Variants in SLC66A2 observed in about 807,000 individuals in gnomAD.
SLC66A2 encodes solute carrier family 66 member 2.
In SLC66A2, 23 loss-of-function variants were observed where a neutral mutation model predicts 25.5. The observed-to-expected ratio is 0.90, with a 90% CI of 0.65 to 1.28. The LOEUF is 1.28. Ranked by LOEUF, SLC66A2 falls within the 50% of genes most tolerant of loss-of-function variation. SLC66A2 has a pLI of 0.00. For synonymous variants in SLC66A2, 193 were observed against 166.5 expected, an observed-to-expected ratio of 1.16 and a Z score of -1.23; for missense variants, 396 against 373.1, an observed-to-expected ratio of 1.06 and a Z score of -0.51.
rs950014530 is a variant in SLC66A2 at position 79,927,782 on chromosome 18, C to A, written c.391+6187G>T. On this transcript the variant is annotated intron_variant, in intron 4 of 5. Transcript: ENST00000397778. The surrounding 1 kb of genome is among the most constrained non-coding windows in gnomAD (Gnocchi z 6.2). ...CCCGGGAAACAAACACCCTCCCACT[C>A]GGCAAGGACAAATCAAGCAACTGCC... Among the ~76,000 whole-genome samples the A allele has an allele frequency of 2.0e-5, 3 of 152,188 alleles. No individual in the cohort carries two copies. Among genetic ancestry groups the A allele is most frequent in the African/African-American group, 7.2e-5 (3 of 41,450 alleles).
intron 5 of SLC66A2, among the ~76,000 whole-genome samples, chr18:79,907,330 T>G (rs1305731361): frequency 3.2e-5 from 4 of 125,120 alleles, no homozygotes; most frequent in Non-Finnish European, 6.9e-5. Flanking sequence ...TATCTCTTTG[T>G]ATAGTTTTTT....
rs1568302051 is a variant in SLC66A2, at chr18:79,916,152, C to CGCTCCCATACCCACGGT, written c.608+3031_608+3032insACCGTGGGTATGGGAGC. ...ACCCACGGTGCTCCCGTACCCGCGG[C>CGCTCCCATACCCACGGT]GCTCTCGTACCCGCAGTGCTCCCGT... On this transcript the variant is annotated intron_variant, in intron 5 of 5. Coordinates refer to ENST00000397778, the MANE Select transcript of SLC66A2 (RefSeq NM_025078.5). 5.3e-5 allele frequency among the ~76,000 whole-genome samples: 2 copies of CGCTCCCATACCCACGGT among 37,808 alleles called. 1 individual carries two copies. The highest frequency in any genetic ancestry group is 1.2e-4 in the Non-Finnish European group (2 of 16,978). The allele number at this position is 37,808 out of a possible 152,430, so 24.8% of individuals were successfully genotyped here. A position where few individuals can be genotyped will look rare whatever the true frequency, so the allele number is the denominator to read the frequency against.
Position 79,941,624 on chromosome 18 carries a change from T to G in SLC66A2, c.337+1705A>C, listed in dbSNP as rs1449379171. ...ATCCAACGGTCCTCTGAGACAAGCC[T>G]GAACCTGCACCTGCTGGTAAAATGA... On this transcript the variant is annotated intron_variant, in intron 3 of 5. Transcript: ENST00000397778. The surrounding 1 kb of genome is among the most constrained non-coding windows in gnomAD (Gnocchi z 4.1). 6.6e-6 allele frequency: 1 copy of G among 152,218 alleles called. No homozygotes were observed. The highest frequency in any genetic ancestry group is 2.4e-5 in the African/African-American group (1 of 41,444). 9.4% of individuals were successfully genotyped at this position (152,218 alleles called of 1,614,324 possible).
chr18:79,919,422 G>T (rs1984715754), intron 4 of SLC66A2, 22 bp from the exon 5 acceptor site: 1 of 1,603,894 alleles, frequency 6.2e-7, no homozygotes, highest in Non-Finnish European at 8.5e-7. Flanking sequence ...GGGAGAAGCA[G>T]CCTCAGCACA....
chr18:79,903,779 C>T lies in SLC66A2; in HGVS notation c.*197G>A, dbSNP rs767747256. The stretch of plus-strand genomic sequence containing the variant: ...GGGCCAGATCAACCCTGGCTGTCCC[C>T]GCTGAGCACAAACAGCGTCCCAGCC... On this transcript the variant is annotated 3_prime_UTR_variant, in exon 6 of 6. Transcript: ENST00000397778. 2.9e-5 allele frequency: 16 copies of T among 559,548 alleles called. No individual in the cohort carries two copies. Among genetic ancestry groups the T allele is most frequent in the South Asian group, 4.9e-5 (2 of 40,606 alleles). The allele number at this position is 559,548 out of a possible 1,614,324, so 34.7% of individuals were successfully genotyped here.
chr18:79,905,179 G>A (rs947594646), intron 5 of SLC66A2, among the ~76,000 whole-genome samples: 7 of 152,196 alleles, frequency 4.6e-5, no homozygotes, highest in Non-Finnish European at 2.9e-5. Flanking sequence ...ACATAAATCC[G>A]GCTTTATCAT....
At chr18:79,916,500 T>G (rs2123282035) in intron 5 of SLC66A2, among the ~76,000 whole-genome samples, 1 of 152,336 alleles carries the variant, frequency 6.6e-6, no homozygotes, top group African/African-American at 2.4e-5. Flanking sequence ...GACAGAAGAA[T>G]CTCAACAGAC....
Position 79,919,182 on chromosome 18 carries a change from A to G in SLC66A2, c.608+2T>C. 6.2e-7 allele frequency: 1 copy of G among 1,612,696 alleles called. No homozygotes were observed. Among genetic ancestry groups the G allele is most frequent in the Non-Finnish European group, 8.5e-7 (1 of 1,179,722 alleles). On this transcript the variant is annotated splice_donor_variant, in intron 5 of 5. Transcript: ENST00000397778. LOFTEE classifies it high-confidence loss of function. ...GCTTCCGTGGCGGCATCCCCGGCCT[A>G]CCTCATGCCCTCCGTGGACTGGTGG...
rs1987665828 is a variant in SLC66A2 at position 79,941,524 on chromosome 18, G to A, written c.337+1805C>T. ...GGACTCACATTTTTAACTCATCCTG[G>A]GTAACCAGAAGAGAAGTACTCCTTT... On this transcript the variant is annotated intron_variant, in intron 3 of 5. Transcript: ENST00000397778. This position sits in a 1 kb window ranked among gnomAD's most constrained non-coding sequence, Gnocchi z 4.1. The A allele has an allele frequency of 6.6e-6, 1 of 152,178 alleles. No homozygotes were observed. Among genetic ancestry groups the A allele is most frequent in the Non-Finnish European group, 1.5e-5 (1 of 68,046 alleles). The allele number at this position is 152,178 out of a possible 1,614,324, so 9.4% of individuals were successfully genotyped here. A position where few individuals can be genotyped will look rare whatever the true frequency, so the allele number is the denominator to read the frequency against.
At chr18:79,905,454 G>T (rs1030801661) in intron 5 of SLC66A2, among the ~76,000 whole-genome samples, 3 of 120 alleles carry the variant, frequency 0.025, no homozygotes, top group Non-Finnish European at 0.054. Context: ...CCCAGGCTTC[G>T]GAATTCCCCC....
In SLC66A2 at chr18:79,934,028, C is replaced by A. The variant is rs142283988; in HGVS notation, c.338-6G>T. The A allele has an allele frequency of 6.2e-7, 1 of 1,610,504 alleles. No individual in the cohort carries two copies. The highest frequency in any genetic ancestry group is 8.5e-7 in the Non-Finnish European group (1 of 1,178,956). On this transcript the variant is annotated splice_region_variant and splice_polypyrimidine_tract_variant and intron_variant, in intron 3 of 5. Transcript: ENST00000397778. ...TTCATCCTTGCTATCTGCAGCTACA[C>A]GTTAAAAAGGGAGACAGAAACAGAA...
chr18:79,951,070 G>A lies in SLC66A2; in HGVS notation c.-99-45C>T, dbSNP rs2051106330. 7.4e-6 allele frequency: 4 copies of A among 537,498 alleles called. No individual in the cohort carries two copies. In the South Asian group the frequency reaches 2.4e-4, roughly 33 times the overall value. 33.3% of individuals were successfully genotyped at this position (537,498 alleles called of 1,614,324 possible). A position where few individuals can be genotyped will look rare whatever the true frequency, so the allele number is the denominator to read the frequency against. On this transcript the variant is annotated intron_variant, in intron 1 of 5. Transcript: ENST00000397778. ...GCTCGAGTTCCGCCCAGGGAGGCTG[G>A]GGCGGCGCGCACGGACCCGACCCGA...
chr18:79,905,720 G>A (rs572124112), intron 5 of SLC66A2, among the ~76,000 whole-genome samples: 1 of 152,368 alleles, frequency 6.6e-6, no homozygotes, highest in Non-Finnish European at 1.5e-5. Context: ...GGATGTGCTT[G>A]CGAACAAGAC....
chr18:79,926,833 A>G (rs1003412295), intron 4 of SLC66A2, among the ~76,000 whole-genome samples: 2 of 151,702 alleles, frequency 1.3e-5, no homozygotes, highest in African/African-American at 4.8e-5. Flanking sequence ...GACTACCACC[A>G]CTCTAATTTT....
chr18:79,949,160 G>A (rs571546736), intron 2 of SLC66A2, among the ~76,000 whole-genome samples: 7 of 152,178 alleles, frequency 4.6e-5, no homozygotes, highest in South Asian at 2.1e-4. Context: ...CAACCCACTC[G>A]CTCACCTAAA....
At chr18:79,943,299 C>A (rs8095510) in intron 3 of SLC66A2, 30 bp downstream of exon 3, 5 of 1,609,990 alleles carry the variant, frequency 3.1e-6, no homozygotes, top group African/African-American at 2.7e-5. Context: ...TGATTCCCTG[C>A]GACTTTATTC....
At position 79,948,497 on chromosome 18, in the gene SLC66A2, A is replaced by G. The variant is rs1197196565; in HGVS notation, c.203+2227T>C. On this transcript the variant is annotated intron_variant, in intron 2 of 5. Coordinates refer to ENST00000397778, the MANE Select transcript of SLC66A2 (RefSeq NM_025078.5). Reference sequence around the variant, plus strand: ...CTAGGACTACAGGTAATGCCCCCACACCTAAGCTAATGTTTCAATTTTTTG... The same window carrying G: ...CTAGGACTACAGGTAATGCCCCCACGCCTAAGCTAATGTTTCAATTTTTTG... Among the ~76,000 whole-genome samples, 26 of 152,000 alleles carry G rather than the reference A, an allele frequency of 1.7e-4. 1 individual carries two copies. The highest frequency in any genetic ancestry group is 1.7e-3 in the Admixed American group (26 of 15,258).
chr18:79,910,485 A>G (rs557028641), intron 5 of SLC66A2, among the ~76,000 whole-genome samples: 8 of 151,774 alleles, frequency 5.3e-5, no homozygotes, highest in South Asian at 4.2e-4. Flanking sequence ...ATCTCACAAC[A>G]GAGTCCCCAA....
chr18:79,932,380 GA>G (rs1238223606), intron 4 of SLC66A2, among the ~76,000 whole-genome samples: 2 of 151,688 alleles, frequency 1.3e-5, no homozygotes, highest in African/African-American at 4.8e-5. Flanking sequence ...AAGAATATTG[GA>G]GTGAAATAAA....
Sources: gnomAD v4.1 joint callset for allele counts (sites outside exome capture counted in the v4.1 genomes callset) on GRCh38, gnomAD v4.1.1 for gene constraint, Gnocchi (gnomAD v3.1) non-coding constraint, MANE v1.5 for transcripts, NCBI Gene and HGNC (gene_info 2026-07-23, HGNC 2026-07-21) for gene names.